Variants in CCDC62 observed in about 807,000 individuals in gnomAD.
CCDC62 encodes the protein coiled-coil domain containing 62.
CCDC62 carries 72 observed loss-of-function variants against 80.8 expected under a neutral mutation model. The ratio of observed to expected loss-of-function variants is 0.89; its 90% confidence interval spans 0.74 to 1.08. The LOEUF (loss-of-function observed/expected upper bound fraction) is 1.08. Ranked by LOEUF, CCDC62 falls within the 50% of genes least tolerant of loss-of-function variation. The probability of loss-of-function intolerance (pLI) is 0.00; values close to 1 mark genes in which losing one functional copy is unlikely to be tolerated. For synonymous variants in CCDC62, 286 were observed against 296.5 expected (o/e 0.96, Z 0.36); for missense variants, 704 against 809.4 (o/e 0.87, Z 1.58).
At chr12:122,784,146 G>T (rs1290846400) in intron 3 of CCDC62, among the ~76,000 whole-genome samples, 2 of 152,082 alleles carry the variant, frequency 1.3e-5, no homozygotes, top group Admixed American at 6.6e-5. Flanking sequence ...GAATCCTACA[G>T]TATATAGCCT....
At position 122,777,603 on chromosome 12, in the gene CCDC62, T is replaced by TG. The variant is rs773772622; in HGVS notation, c.150dup (p.His51AlafsTer28). The TG allele has an allele frequency of 6.2e-7, 1 of 1,614,128 alleles. No individual in the cohort carries two copies. The highest frequency in any genetic ancestry group is 1.7e-5 in the Admixed American group (1 of 60,022). ...AAAGAGCTCAATGACATGGTTGCAG[T>TG]GCACCAGCAACAGCTTCTTTCATGG... On this transcript the variant is annotated frameshift_variant, in exon 2 of 13. Transcript: ENST00000253079. LOFTEE classifies it high-confidence loss of function.
intron 10 of CCDC62, among the ~76,000 whole-genome samples, chr12:122,809,852 A>G (rs1294990623): frequency 6.6e-6 from 1 of 152,166 alleles, no homozygotes; most frequent in African/African-American, 2.4e-5. Flanking sequence ...CAGAGCCCTC[A>G]GAAATAATAC....
At chr12:122,785,627 A>G (rs997419734) in intron 3 of CCDC62, 92 bp from the exon 4 acceptor site, 10 of 861,666 alleles carry the variant, frequency 1.2e-5, no homozygotes, top group Non-Finnish European at 1.9e-5. Context: ...AGGAAAAAAC[A>G]AAATAGAGAA....
In CCDC62 at chr12:122,801,672, G is replaced by T; in HGVS notation, c.1526G>T (p.Gly509Val). 8 of 1,614,178 alleles carry T rather than the reference G, an allele frequency of 5.0e-6. 2 individuals are homozygous for T. The South Asian group carries it at 8.8e-5, about 18-fold the overall frequency. ...AATGAAGCCTGTCTGGGCGAAAGTG[G>T]CATGTGTGACTCCAAGTGCTGCCAC... ...QKNEACLGES[G>V]MCDSKCCHPS... The change falls in exon 9 of 13, where the codon GGC becomes GTC. Residue 509 changes from glycine to valine, a missense_variant. Coordinates refer to ENST00000253079, the MANE Select transcript of CCDC62 (RefSeq NM_201435.5).
chr12:122,782,166 C>G (rs2029904071), intron 3 of CCDC62, among the ~76,000 whole-genome samples: 1 of 152,128 alleles, frequency 6.6e-6, no homozygotes, highest in African/African-American at 2.4e-5. Flanking sequence ...GAGACCTCAT[C>G]TCAACAAAAA....
At chr12:122,780,270 C>T (rs1879757523) in intron 2 of CCDC62, among the ~76,000 whole-genome samples, 1 of 148,872 alleles carries the variant, frequency 6.7e-6, no homozygotes, top group South Asian at 2.1e-4. Context: ...GAGATCGTGC[C>T]GTTGCCCTCC....
At chr12:122,803,819 A>C (rs899882506) in intron 9 of CCDC62, among the ~76,000 whole-genome samples, 1 of 152,194 alleles carries the variant, frequency 6.6e-6, no homozygotes, top group African/African-American at 2.4e-5. Context: ...CTGAACAAGG[A>C]CACTCATATA....
In CCDC62 at chr12:122,798,081, A is replaced by G. The variant is rs1013566304; in HGVS notation, c.862-4A>G. The G allele has an allele frequency of 5.1e-6, 7 of 1,364,294 alleles. No individual in the cohort carries two copies. The highest frequency in any genetic ancestry group is 2.4e-5 in the South Asian group (2 of 84,044). The allele number at this position is 1,364,294 out of a possible 1,614,324, so 84.5% of individuals were successfully genotyped here. A position where few individuals can be genotyped will look rare whatever the true frequency, so the allele number is the denominator to read the frequency against. ...TCATGTTGATTTGTCAATATCTATG[A>G]CAGATTTATGTAAAACAACAGAGTG... On this transcript the variant is annotated splice_polypyrimidine_tract_variant and splice_region_variant and intron_variant, in intron 7 of 12. Coordinates refer to ENST00000253079, the MANE Select transcript of CCDC62 (RefSeq NM_201435.5).
intron 5 of CCDC62, among the ~76,000 whole-genome samples, chr12:122,789,821 T>C (rs2030490371): frequency 6.6e-6 from 1 of 152,210 alleles, no homozygotes; most frequent in South Asian, 2.1e-4. Context: ...ATAGGTCTTA[T>C]CTCCATTTGT....
At chr12:122,797,110 T>C (rs910187993) in intron 6 of CCDC62, among the ~76,000 whole-genome samples, 197 bp from the exon 7 acceptor site, 1 of 152,098 alleles carries the variant, frequency 6.6e-6, no homozygotes, top group Non-Finnish European at 1.5e-5. Flanking sequence ...ACTCTTGACC[T>C]CAAGTGGTCT....
chr12:122,793,511 G>A (rs778655806), intron 6 of CCDC62, among the ~76,000 whole-genome samples: 18 of 128,032 alleles, frequency 1.4e-4, no homozygotes, highest in Non-Finnish European at 2.6e-4. Context: ...GGCAGGGAAT[G>A]GAATGCAGTT....
intron 11 of CCDC62, among the ~76,000 whole-genome samples, chr12:122,822,392 C>T (rs2032445826): frequency 6.6e-6 from 1 of 152,054 alleles, no homozygotes; most frequent in Non-Finnish European, 1.5e-5. Context: ...GCGTGAGCCA[C>T]TGCACCTGGC....
chr12:122,815,170 C>T (rs537645217), intron 11 of CCDC62, among the ~76,000 whole-genome samples: 7 of 152,234 alleles, frequency 4.6e-5, no homozygotes, highest in African/African-American at 1.7e-4. Flanking sequence ...CCTCCAACTC[C>T]CAGGCTCAAG....
chr12:122,794,871 T>C (rs1036937554), intron 6 of CCDC62, among the ~76,000 whole-genome samples: 1 of 152,144 alleles, frequency 6.6e-6, no homozygotes, highest in African/African-American at 2.4e-5. Flanking sequence ...TCTCGCTATG[T>C]GGCCCAGGCT....
chr12:122,788,980 A>G, intron 5 of CCDC62, 51 bp downstream of exon 5: 1 of 1,412,764 alleles, frequency 7.1e-7, no homozygotes, highest in Non-Finnish European at 9.5e-7. Context: ...TTGGGAATAT[A>G]GTTTTTCATC....
At chr12:122,780,509 G>A (rs1879782470) in intron 2 of CCDC62, among the ~76,000 whole-genome samples, 1 of 151,642 alleles carries the variant, frequency 6.6e-6, no homozygotes, top group Non-Finnish European at 1.5e-5. Context: ...AGCTACTCGG[G>A]AGGCTGAGGC....
intron 5 of CCDC62, among the ~76,000 whole-genome samples, chr12:122,790,112 G>C (rs546876908): frequency 1.3e-4 from 20 of 151,764 alleles, no homozygotes; most frequent in Non-Finnish European, 2.9e-5. Context: ...GTGCAATGGC[G>C]TGATCTCAGC....
chr12:122,818,408 G>A (rs552647782), intron 11 of CCDC62, among the ~76,000 whole-genome samples: 9 of 149,464 alleles, frequency 6.0e-5, no homozygotes, highest in Non-Finnish European at 1.2e-4. Flanking sequence ...AGCCAAGATC[G>A]TGCCACTGCA....
intron 6 of CCDC62, among the ~76,000 whole-genome samples, chr12:122,796,180 C>T (rs2030946970): frequency 6.6e-6 from 1 of 151,078 alleles, no homozygotes; most frequent in Non-Finnish European, 1.5e-5. Context: ...TTTTCTTTGA[C>T]CACCTGCCCT....
Sources: allele counts gnomAD v4.1 joint callset (sites outside exome capture counted in the v4.1 genomes callset), GRCh38; gene constraint gnomAD v4.1.1; transcripts MANE v1.5; gene names NCBI Gene and HGNC (gene_info 2026-07-23, HGNC 2026-07-21).